Variants in SLC4A10 observed in about 807,000 individuals in gnomAD.
SLC4A10 encodes the protein solute carrier family 4 member 10.
Under a neutral mutation model 137.7 loss-of-function variants are expected in SLC4A10, and 42 were observed. That is an observed-to-expected ratio of 0.30 (90% confidence interval 0.24 to 0.39). The LOEUF (loss-of-function observed/expected upper bound fraction) is 0.39, where lower values mean the gene tolerates loss of function less well. Among genes scored for constraint, SLC4A10 ranks in the 10% least tolerant of loss-of-function variants. The pLI is 1.00. For synonymous variants in SLC4A10, 474 were observed against 464.1 expected (o/e 1.02, Z -0.27); for missense variants, 925 against 1,355.0 (o/e 0.68, Z 4.98).
At chr2:161,686,653 A>C (rs1020978103) in intron 1 of SLC4A10, among the ~76,000 whole-genome samples, 23 of 152,202 alleles carry the variant, frequency 1.5e-4, no homozygotes, top group Admixed American at 7.9e-4. Context: ...AATATTAGAA[A>C]TCATAATGGT....
chr2:161,634,034 T>C (rs2034017664), intron 1 of SLC4A10, among the ~76,000 whole-genome samples: 1 of 151,848 alleles, frequency 6.6e-6, no homozygotes, highest in Admixed American at 6.6e-5. Flanking sequence ...TTAACTAAAC[T>C]ACCATATTCG....
intron 1 of SLC4A10, among the ~76,000 whole-genome samples, chr2:161,746,935 G>A (rs2048449931): frequency 1.3e-5 from 2 of 152,090 alleles, no homozygotes; most frequent in Non-Finnish European, 2.9e-5. Flanking sequence ...TTATTTTGCT[G>A]TAGCTGAGCT....
intron 1 of SLC4A10, among the ~76,000 whole-genome samples, chr2:161,625,849 T>G (rs1259478592): frequency 2.1e-5 from 3 of 145,916 alleles, no homozygotes; most frequent in African/African-American, 7.6e-5. Flanking sequence ...AAGAATAGAG[T>G]CTCAACAGAG....
intron 1 of SLC4A10, among the ~76,000 whole-genome samples, chr2:161,706,544 T>G (rs1011970814): frequency 6.6e-6 from 1 of 151,614 alleles, no homozygotes; most frequent in African/African-American, 2.4e-5. Context: ...TTATTTAACA[T>G]TCTCCTGATT....
chr2:161,905,037 A>G (rs1395928165), intron 14 of SLC4A10, 128 bp downstream of exon 14: 11 of 919,868 alleles, frequency 1.2e-5, no homozygotes, highest in Non-Finnish European at 1.7e-5. Context: ...TCAGTTTATC[A>G]TTTTTGCTTC....
At chr2:161,773,080 T>C (rs992613994) in intron 2 of SLC4A10, among the ~76,000 whole-genome samples, 1 of 151,870 alleles carries the variant, frequency 6.6e-6, no homozygotes, top group East Asian at 1.9e-4. Flanking sequence ...TACCACAGAC[T>C]GGATAATTTA....
At chr2:161,892,180 C>T (rs1449389375) in intron 10 of SLC4A10, among the ~76,000 whole-genome samples, 1 of 152,036 alleles carries the variant, frequency 6.6e-6, no homozygotes, top group Non-Finnish European at 1.5e-5. Flanking sequence ...TTTGGACATT[C>T]ATCTACCTAA....
chr2:161,628,044 T>A (rs2105381896), intron 1 of SLC4A10, among the ~76,000 whole-genome samples: 1 of 152,258 alleles, frequency 6.6e-6, no homozygotes, highest in African/African-American at 2.4e-5. Context: ...TATGTAACAG[T>A]AATAATGGTG....
intron 2 of SLC4A10, among the ~76,000 whole-genome samples, chr2:161,798,933 A>C (rs1299696430): frequency 6.7e-6 from 1 of 149,646 alleles, no homozygotes; most frequent in Non-Finnish European, 1.5e-5. Context: ...GACAGAAGAA[A>C]AGAATCAATT....
At chr2:161,920,452 T>C (rs936037964) in intron 15 of SLC4A10, among the ~76,000 whole-genome samples, 2 of 152,166 alleles carry the variant, frequency 1.3e-5, no homozygotes, top group African/African-American at 4.8e-5. Context: ...AGTCTGGAAG[T>C]ATTGTATTAA....
intron 3 of SLC4A10, among the ~76,000 whole-genome samples, chr2:161,804,941 T>C (rs1267718629): frequency 6.6e-6 from 1 of 152,168 alleles, no homozygotes; most frequent in Non-Finnish European, 1.5e-5. Flanking sequence ...CTTTTACTGA[T>C]AGTGCCCAAG....
intron 15 of SLC4A10, among the ~76,000 whole-genome samples, chr2:161,920,929 C>T (rs1324741002): frequency 1.3e-5 from 2 of 152,200 alleles, no homozygotes; most frequent in Non-Finnish European, 2.9e-5. Context: ...CTCTGAAAGA[C>T]CTTAGTGATT....
chr2:161,796,797 G>T (rs150310221), intron 2 of SLC4A10, among the ~76,000 whole-genome samples: 1 of 151,878 alleles, frequency 6.6e-6, no homozygotes, highest in African/African-American at 2.4e-5. Context: ...GCAACTTCTC[G>T]GTTTTTCCAG....
chr2:161,771,115 A>G, intron 2 of SLC4A10, 61 bp downstream of exon 2: 1 of 1,231,236 alleles, frequency 8.1e-7, no homozygotes, highest in Admixed American at 2.0e-5. Flanking sequence ...TCACAGATAA[A>G]TGTAGTTTGT....
rs1291786455 is a variant in SLC4A10 at position 161,983,210 on chromosome 2, T to G, written c.*58T>G. 1 of 1,536,664 alleles carries G rather than the reference T, an allele frequency of 6.5e-7. No individual in the cohort carries two copies. Among genetic ancestry groups the G allele is most frequent in the Non-Finnish European group, 8.7e-7 (1 of 1,147,044 alleles). ...AAGCCGAAAAGAGAAGAAAGCTGAC[T>G]CAGGGAAAGGTGTTGACAGGGAGAC... On this transcript the variant is annotated 3_prime_UTR_variant, in exon 27 of 27. Transcript: ENST00000446997.
chr2:161,686,802 G>A (rs540108744), intron 1 of SLC4A10, among the ~76,000 whole-genome samples: 11 of 152,102 alleles, frequency 7.2e-5, no homozygotes, highest in African/African-American at 2.6e-4. Context: ...AGGTGTAAGA[G>A]AATGGTTAGT....
At chr2:161,693,019 C>T (rs917294650) in intron 1 of SLC4A10, among the ~76,000 whole-genome samples, 10 of 152,036 alleles carry the variant, frequency 6.6e-5, no homozygotes, top group East Asian at 1.9e-4. Context: ...CAGTGTTTCA[C>T]GGATGATTGC....
At chr2:161,812,830 G>A (rs1189127868) in intron 3 of SLC4A10, among the ~76,000 whole-genome samples, 2 of 151,964 alleles carry the variant, frequency 1.3e-5, no homozygotes, top group East Asian at 1.9e-4. Flanking sequence ...GAACATGCAC[G>A]TATATGTCAG....
intron 15 of SLC4A10, among the ~76,000 whole-genome samples, chr2:161,919,592 G>A (rs774669177): frequency 5.2e-4 from 79 of 152,208 alleles, no homozygotes; most frequent in Non-Finnish European, 2.4e-4. Context: ...GGGATGACTT[G>A]CCTGTGGGTA....
Sources: allele counts gnomAD v4.1 joint callset (sites outside exome capture counted in the v4.1 genomes callset), GRCh38; gene constraint gnomAD v4.1.1; transcripts MANE v1.5; gene names NCBI Gene and HGNC (gene_info 2026-07-23, HGNC 2026-07-21).